UNC13C: variants seen among roughly 807,000 people sequenced by gnomAD.
UNC13C encodes protein unc-13 homolog C.
A neutral mutation model predicts 245.4 loss-of-function variants in UNC13C; 174 were observed. The ratio of observed to expected loss-of-function variants is 0.71; its 90% CI spans 0.63 to 0.80. The LOEUF is 0.80. Among genes scored for constraint, UNC13C ranks in the 30% least tolerant of loss-of-function variants. The pLI, the probability that UNC13C is intolerant of heterozygous loss-of-function variation, is 0.00. For synonymous variants in UNC13C, 992 were observed against 895.1 expected, an observed-to-expected ratio of 1.11 and a Z score of -1.93; for missense variants, 2,829 against 2,602.9, an observed-to-expected ratio of 1.09 and a Z score of -1.89.
intron 30 of UNC13C, among the ~76,000 whole-genome samples, chr15:54,584,907 T>C (rs1898408055): frequency 6.6e-6 from 1 of 152,206 alleles, no homozygotes; most frequent in South Asian, 2.1e-4. Context: ...GCACAGGGCA[T>C]TTTCCACTAA....
chr15:54,505,719 T>G (rs72738425), intron 22 of UNC13C, among the ~76,000 whole-genome samples: 1 of 151,080 alleles, frequency 6.6e-6, no homozygotes, highest in East Asian at 1.9e-4. Context: ...GCAACTCTTA[T>G]AGGCACACAG....
chr15:54,492,116 G>A (rs1402141699), intron 19 of UNC13C, among the ~76,000 whole-genome samples: 1 of 151,784 alleles, frequency 6.6e-6, no homozygotes, highest in Non-Finnish European at 1.5e-5. Flanking sequence ...TACACAGCTT[G>A]TTAATATTTA....
intron 4 of UNC13C, among the ~76,000 whole-genome samples, chr15:54,164,451 G>A (rs969294358): frequency 6.6e-6 from 1 of 152,104 alleles, no homozygotes; most frequent in African/African-American, 2.4e-5. Context: ...AGACAGTGTG[G>A]CTTGGCCAAA....
chr15:54,410,721 T>C (rs1056717386), intron 18 of UNC13C, among the ~76,000 whole-genome samples: 16 of 152,208 alleles, frequency 1.1e-4, no homozygotes, highest in African/African-American at 3.9e-4. Flanking sequence ...TCTATGTGTC[T>C]TTCTTGGTGC....
chr15:54,035,634 G>A (rs1216526142), intron 2 of UNC13C, among the ~76,000 whole-genome samples: 1 of 152,072 alleles, frequency 6.6e-6, no homozygotes, highest in Non-Finnish European at 1.5e-5. Flanking sequence ...TTTCTGACCC[G>A]ATTTACAGAG....
chr15:54,473,172 T>G (rs75217096), intron 19 of UNC13C, among the ~76,000 whole-genome samples: 4,453 of 151,896 alleles, frequency 0.029, 177 homozygotes, highest in Admixed American at 0.12. Flanking sequence ...TATGTATGCA[T>G]TAGATGTTTG....
In UNC13C at chr15:54,310,770, C is replaced by A. The variant is rs201468258; in HGVS notation, c.4268+10397C>A. Among the ~76,000 whole-genome samples, 26 of 106,926 alleles carry A rather than the reference C, an allele frequency of 2.4e-4. No individual in the cohort carries two copies. In the East Asian group the frequency reaches 0.012, roughly 51 times the overall value. 70.1% of individuals were successfully genotyped at this position (106,926 alleles called of 152,430 possible). A position where few individuals can be genotyped will look rare whatever the true frequency, so the allele number is the denominator to read the frequency against. Reference sequence around the variant, plus strand: ...TCTATATCTATATCTATATCTATATCTATATCTATATATATGTACATACAC... The same window carrying A: ...TCTATATCTATATCTATATCTATATATATATCTATATATATGTACATACAC... On this transcript the variant is annotated intron_variant, in intron 13 of 32. Transcript: ENST00000260323.
At chr15:54,051,715 A>G (rs1450354190) in intron 2 of UNC13C, among the ~76,000 whole-genome samples, 1 of 151,508 alleles carries the variant, frequency 6.6e-6, no homozygotes, top group Non-Finnish European at 1.5e-5. Flanking sequence ...CAGGGCCTGA[A>G]GAAAGTGGAT....
At chr15:54,541,259 G>A (rs1896230765) in intron 26 of UNC13C, among the ~76,000 whole-genome samples, 1 of 151,932 alleles carries the variant, frequency 6.6e-6, no homozygotes, top group Admixed American at 6.6e-5. Flanking sequence ...GCCTTTCAAT[G>A]TTATCCACTG....
At chr15:54,135,015 G>C (rs997287937) in intron 2 of UNC13C, among the ~76,000 whole-genome samples, 1 of 152,004 alleles carries the variant, frequency 6.6e-6, no homozygotes, top group African/African-American at 2.4e-5. Context: ...ATTCTAACAG[G>C]TGTGAGGTGA....
intron 23 of UNC13C, among the ~76,000 whole-genome samples, chr15:54,508,145 C>G (rs188651580): frequency 7.2e-4 from 109 of 150,950 alleles, no homozygotes; most frequent in African/African-American, 2.6e-3. Context: ...TTTCTTATTG[C>G]TATTGATTAT....
At chr15:54,448,676 G>C (rs545211867) in intron 19 of UNC13C, among the ~76,000 whole-genome samples, 10 of 152,228 alleles carry the variant, frequency 6.6e-5, no homozygotes, top group African/African-American at 2.4e-4. Context: ...GTCTCTGCAC[G>C]TGTGATGGGT....
chr15:54,019,526 G>A (rs993776695), intron 2 of UNC13C, among the ~76,000 whole-genome samples: 1 of 152,146 alleles, frequency 6.6e-6, no homozygotes, highest in Admixed American at 6.5e-5. Flanking sequence ...CTGCTTGAAG[G>A]ATGTTGTATT....
chr15:54,306,877 A>G (rs537291565), intron 13 of UNC13C, among the ~76,000 whole-genome samples: 1 of 152,008 alleles, frequency 6.6e-6, no homozygotes, highest in Non-Finnish European at 1.5e-5. Context: ...GATACAGGTT[A>G]CTTTAAAGTC....
Position 54,628,058 on chromosome 15 carries a change from G to A in UNC13C, c.*945G>A, listed in dbSNP as rs1484113858. The A allele has an allele frequency of 6.6e-6, 1 of 151,846 alleles. No homozygotes were observed. The highest frequency in any genetic ancestry group is 2.4e-5 in the African/African-American group (1 of 41,228). The allele number at this position is 151,846 out of a possible 1,614,324, so 9.4% of individuals were successfully genotyped here. A position where few individuals can be genotyped will look rare whatever the true frequency, so the allele number is the denominator to read the frequency against. On this transcript the variant is annotated 3_prime_UTR_variant, in exon 33 of 33. Transcript: ENST00000260323. ...ATATTGTACTGATGCCAAAAGTCAT[G>A]TTTTCATCCACTTAGTGAAAAAATA...
At chr15:54,617,161 T>A (rs1417462070) in intron 30 of UNC13C, among the ~76,000 whole-genome samples, 1 of 152,018 alleles carries the variant, frequency 6.6e-6, no homozygotes, top group African/African-American at 2.4e-5. Flanking sequence ...TTAAGTGACA[T>A]GTGACTGTAG....
chr15:53,969,924 C>G, the UNC13C span, among the ~76,000 whole-genome samples: 1 of 152,012 alleles, frequency 6.6e-6, no homozygotes, highest in South Asian at 2.1e-4. Context: ...TCTGAGTTTA[C>G]TACTTTAGAT....
intron 4 of UNC13C, among the ~76,000 whole-genome samples, chr15:54,155,595 G>C (rs200027365): frequency 7.7e-6 from 1 of 129,428 alleles, no homozygotes; most frequent in East Asian, 2.3e-4. Context: ...CCACTTATTT[G>C]TATTTTAAAT....
chr15:54,051,022 T>TA, intron 2 of UNC13C: 1 of 389,954 alleles, frequency 2.6e-6, no homozygotes, highest in East Asian at 6.7e-5. Flanking sequence ...ACTTCTTGAC[T>TA]ATTAGTCTTT....
Sources: allele counts gnomAD v4.1 joint callset (sites outside exome capture counted in the v4.1 genomes callset), GRCh38; gene constraint gnomAD v4.1.1; transcripts MANE v1.5; gene names NCBI Gene and HGNC (gene_info 2026-07-23, HGNC 2026-07-21).